PTPRD: variants seen among roughly 807,000 people sequenced by gnomAD.
PTPRD encodes the protein protein tyrosine phosphatase receptor type D.
A neutral mutation model predicts 214.5 loss-of-function variants in PTPRD; 34 were observed. The ratio of observed to expected loss-of-function variants is 0.16; its 90% confidence interval spans 0.12 to 0.21. The LOEUF (loss-of-function observed/expected upper bound fraction) is 0.21, where lower values mean the gene tolerates loss of function less well. Ranked by LOEUF, PTPRD falls within the 10% of genes least tolerant of loss-of-function variation. The probability of loss-of-function intolerance (pLI) is 1.00; values close to 1 mark genes in which losing one functional copy is unlikely to be tolerated. For synonymous variants in PTPRD, 1,128 were observed against 845.7 expected (o/e 1.33, Z -5.79); for missense variants, 2,545 against 2,398.7 (o/e 1.06, Z -1.27).
chr9:10,575,251 C>A (rs893413382), intron 2 of PTPRD, among the ~76,000 whole-genome samples: 4 of 151,774 alleles, frequency 2.6e-5, no homozygotes, highest in African/African-American at 9.7e-5. Context: ...ATCAATTTCC[C>A]AATACTAATT....
chr9:8,533,034 G>A (rs1424494208), intron 14 of PTPRD, among the ~76,000 whole-genome samples: 1 of 152,054 alleles, frequency 6.6e-6, no homozygotes, highest in African/African-American at 2.4e-5. Context: ...CTGTTTTGTA[G>A]GTAGTCATGC....
intron 4 of PTPRD, among the ~76,000 whole-genome samples, chr9:9,982,888 G>C (rs1483335548): frequency 6.6e-6 from 1 of 151,996 alleles, no homozygotes; most frequent in South Asian, 2.1e-4. Flanking sequence ...TGATTCATGT[G>C]CTAAACACTG....
At position 9,738,148 on chromosome 9, in the gene PTPRD, T is replaced by C. The variant is rs1459584410; in HGVS notation, c.-325-3577A>G. 3.9e-5 allele frequency among the ~76,000 whole-genome samples: 6 copies of C among 152,266 alleles called. No individual in the cohort carries two copies. In the East Asian group the frequency reaches 9.7e-4, roughly 25 times the overall value. On this transcript the variant is annotated intron_variant, in intron 6 of 45. Coordinates refer to ENST00000381196, the MANE Select transcript of PTPRD (RefSeq NM_002839.4). ...GGATAGCATTAGGAGATATACCTAATGTTAAATGACGAGTTAACGGGTGAG... is the reference window on the plus strand; with the variant it reads ...GGATAGCATTAGGAGATATACCTAACGTTAAATGACGAGTTAACGGGTGAG...
At chr9:8,334,146 G>C (rs913245851) in intron 43 of PTPRD, among the ~76,000 whole-genome samples, 7 of 152,014 alleles carry the variant, frequency 4.6e-5, no homozygotes, top group Admixed American at 2.6e-4. Flanking sequence ...TATTAGCAAG[G>C]ACATTCAGGA....
intron 3 of PTPRD, among the ~76,000 whole-genome samples, chr9:10,052,613 T>G (rs1056304181): frequency 1.3e-5 from 2 of 152,184 alleles, no homozygotes; most frequent in Non-Finnish European, 2.9e-5. Flanking sequence ...TATTACCATC[T>G]CTATTTATAT....
intron 2 of PTPRD, among the ~76,000 whole-genome samples, chr9:10,491,082 T>A (rs2040060187): frequency 6.6e-6 from 1 of 152,194 alleles, no homozygotes; most frequent in Non-Finnish European, 1.5e-5. Flanking sequence ...AGAGTTGAAC[T>A]GCCTTGTTCA....
intron 9 of PTPRD, among the ~76,000 whole-genome samples, chr9:9,198,379 G>A (rs914218053): frequency 6.6e-6 from 1 of 151,326 alleles, no homozygotes; most frequent in African/African-American, 2.4e-5. Context: ...ACCCTTATGT[G>A]AGCAATTTTG....
intron 7 of PTPRD, among the ~76,000 whole-genome samples, chr9:9,594,379 T>C (rs1220300874): frequency 2.0e-5 from 3 of 152,050 alleles, no homozygotes; most frequent in Middle Eastern, 3.2e-3. Flanking sequence ...TTTCCAATGT[T>C]AGCTTGTAGA....
At chr9:10,273,411 C>G (rs934035335) in intron 3 of PTPRD, among the ~76,000 whole-genome samples, 1 of 152,144 alleles carries the variant, frequency 6.6e-6, no homozygotes, top group East Asian at 1.9e-4. Flanking sequence ...GAAATAGGGT[C>G]TTTTTCAGTG....
chr9:9,574,180 G>C (rs2087577081), intron 8 of PTPRD, among the ~76,000 whole-genome samples: 1 of 151,750 alleles, frequency 6.6e-6, no homozygotes, highest in South Asian at 2.1e-4. Flanking sequence ...TCACATTTTT[G>C]ACAAACCTTA....
chr9:10,107,742 T>G (rs1187065413), intron 3 of PTPRD, among the ~76,000 whole-genome samples: 2 of 152,114 alleles, frequency 1.3e-5, no homozygotes, highest in Non-Finnish European at 2.9e-5. Flanking sequence ...TAAATAAACA[T>G]TTGTTGCATT....
chr9:10,019,151 A>G (rs1316916068), intron 4 of PTPRD, among the ~76,000 whole-genome samples: 2 of 152,194 alleles, frequency 1.3e-5, no homozygotes, highest in African/African-American at 4.8e-5. Context: ...GAAGACATTT[A>G]TTCAGCCAAA....
chr9:9,556,740 T>A (rs1233740152), intron 8 of PTPRD, among the ~76,000 whole-genome samples: 1 of 152,180 alleles, frequency 6.6e-6, no homozygotes, highest in African/African-American at 2.4e-5. Flanking sequence ...TCAAGTTACA[T>A]CCAAACTTCA....
intron 3 of PTPRD, among the ~76,000 whole-genome samples, chr9:10,154,621 T>C (rs543726701): frequency 2.6e-5 from 4 of 152,242 alleles, no homozygotes; most frequent in South Asian, 4.1e-4. Flanking sequence ...TTTTAATCCA[T>C]CTTGAATTGA....
intron 2 of PTPRD, among the ~76,000 whole-genome samples, chr9:10,403,224 GTAAATATATATATATATATATA>G (rs2098301097): frequency 4.5e-5 from 1 of 22,378 alleles, no homozygotes; most frequent in African/African-American, 1.6e-4. Flanking sequence ...GTGTGTGTGT[GTAAATATATATATATATATATA>G]TATATATATA....
chr9:8,454,660 G>A, intron 33 of PTPRD: 1 of 1,550,348 alleles, frequency 6.5e-7, no homozygotes, highest in African/African-American at 1.4e-5. Flanking sequence ...ATGGTAACAA[G>A]GATAACCATG....
At position 8,957,979 on chromosome 9, in the gene PTPRD, AGT is replaced by A. The variant is rs1201903972; in HGVS notation, c.-104+60716_-104+60717del. 1.1e-4 allele frequency among the ~76,000 whole-genome samples: 17 copies of A among 148,118 alleles called. No individual in the cohort carries two copies. In the East Asian group the frequency reaches 2.8e-3, roughly 24 times the overall value. On this transcript the variant is annotated intron_variant, in intron 11 of 45. Transcript: ENST00000381196. ...TTAGATCTTCAGAAGATCACAAAGA[AGT>A]GATGAAAAGTAATACCTTAGCAGGG...
chr9:10,301,252 C>T (rs900948886), intron 3 of PTPRD, among the ~76,000 whole-genome samples: 2 of 151,992 alleles, frequency 1.3e-5, no homozygotes, highest in Non-Finnish European at 2.9e-5. Context: ...ACTCAGAGAC[C>T]CCATCCGAAG....
At chr9:9,543,644 T>C (rs1273094428) in intron 8 of PTPRD, among the ~76,000 whole-genome samples, 4 of 151,590 alleles carry the variant, frequency 2.6e-5, no homozygotes, top group Non-Finnish European at 5.9e-5. Flanking sequence ...GCCCATTTTA[T>C]GTCACAGATA....
Sources: allele counts gnomAD v4.1 joint callset (sites outside exome capture counted in the v4.1 genomes callset), GRCh38; gene constraint gnomAD v4.1.1; transcripts MANE v1.5; gene names NCBI Gene and HGNC (gene_info 2026-07-23, HGNC 2026-07-21).